Variants in SEMA5A observed in about 807,000 individuals in gnomAD.
SEMA5A encodes the protein semaphorin-5A.
Under a neutral mutation model 135.5 loss-of-function variants are expected in SEMA5A, and 55 were observed. That is an observed-to-expected ratio of 0.41 (90% CI 0.33 to 0.51). The LOEUF is 0.51. Ranked by LOEUF, SEMA5A falls within the 20% of genes least tolerant of loss-of-function variation. SEMA5A has a pLI of 0.37. For missense variants in SEMA5A, 1,290 were observed against 1,419.9 expected (o/e 0.91, Z 1.47); for synonymous variants, 580 against 546.5 (o/e 1.06, Z -0.85).
chr5:9,245,535 A>T (rs1334563356), intron 5 of SEMA5A, among the ~76,000 whole-genome samples: 1 of 152,202 alleles, frequency 6.6e-6, no homozygotes, highest in Non-Finnish European at 1.5e-5. Flanking sequence ...AAAAACACAA[A>T]TTTATAAAAA....
chr5:9,198,164 A>G (rs535392788), intron 9 of SEMA5A, among the ~76,000 whole-genome samples: 1 of 152,314 alleles, frequency 6.6e-6, no homozygotes, highest in African/African-American at 2.4e-5. Flanking sequence ...TACCACAAGC[A>G]TTTCTCATCA....
At position 9,445,413 on chromosome 5, in the gene SEMA5A, T is replaced by C. The variant is rs569050374; in HGVS notation, c.-174-7561A>G. 4.6e-5 allele frequency among the ~76,000 whole-genome samples: 7 copies of C among 151,500 alleles called. No homozygotes were observed. In the South Asian group the frequency reaches 1.5e-3, roughly 32 times the overall value. ...GGCCGGGCACGGTGGCTCACGCCTG[T>C]AATCCCAGGACTTTGGGAGGCCGAG... On this transcript the variant is annotated intron_variant, in intron 1 of 22. Coordinates refer to ENST00000382496, the MANE Select transcript of SEMA5A (RefSeq NM_003966.3).
intron 14 of SEMA5A, among the ~76,000 whole-genome samples, chr5:9,119,991 T>A (rs543484193): frequency 6.6e-6 from 1 of 152,272 alleles, no homozygotes; most frequent in Admixed American, 6.5e-5. Context: ...TAGTATTGTA[T>A]TTTTTCCTTA....
chr5:9,529,580 C>T (rs1257894544), intron 1 of SEMA5A, among the ~76,000 whole-genome samples: 1 of 152,156 alleles, frequency 6.6e-6, no homozygotes, highest in Non-Finnish European at 1.5e-5. Flanking sequence ...AGACATTGAC[C>T]TATAGGCCTC....
rs1388615330 is a variant in SEMA5A at position 9,041,109 on chromosome 5, T to C, written c.*1788A>G. ...TGAATGTCATTAATCCAAAATAACT[T>C]ACAGAGCCCACCTGCCATTTCAATA... On this transcript the variant is annotated 3_prime_UTR_variant, in exon 23 of 23. Coordinates refer to ENST00000382496, the MANE Select transcript of SEMA5A (RefSeq NM_003966.3). The C allele has an allele frequency of 6.6e-6, 1 of 152,198 alleles. No homozygotes were observed. The highest frequency in any genetic ancestry group is 6.5e-5 in the Admixed American group (1 of 15,286). The allele number at this position is 152,198 out of a possible 1,614,324, so 9.4% of individuals were successfully genotyped here. A position where few individuals can be genotyped will look rare whatever the true frequency, so the allele number is the denominator to read the frequency against.
intron 2 of SEMA5A, among the ~76,000 whole-genome samples, chr5:9,437,022 G>A (rs1485665308): frequency 1.3e-5 from 2 of 152,204 alleles, no homozygotes; most frequent in Non-Finnish European, 2.9e-5. Flanking sequence ...GCCTGACCAG[G>A]AGGATCCCTG....
intron 6 of SEMA5A, 29 bp from the exon 7 acceptor site, chr5:9,226,996 A>AATATATATAT (rs146979886): frequency 9.5e-7 from 1 of 1,047,372 alleles, no homozygotes; most frequent in Admixed American, 3.3e-5. Flanking sequence ...ATTAATTAAA[A>AATATATATAT]ATATATATAT....
chr5:9,306,203 C>T (rs962277573), intron 5 of SEMA5A, among the ~76,000 whole-genome samples: 1 of 152,192 alleles, frequency 6.6e-6, no homozygotes, highest in Admixed American at 6.6e-5. Context: ...GGAAAAGTTT[C>T]AGTGATAATT....
intron 1 of SEMA5A, among the ~76,000 whole-genome samples, chr5:9,447,479 G>T (rs1353516133): frequency 6.6e-6 from 1 of 152,148 alleles, no homozygotes; most frequent in Non-Finnish European, 1.5e-5. Context: ...GACCTGTCAG[G>T]TCTTTCATCG....
At chr5:9,329,928 T>A (rs1440045867) in intron 4 of SEMA5A, among the ~76,000 whole-genome samples, 1 of 152,214 alleles carries the variant, frequency 6.6e-6, no homozygotes, top group East Asian at 1.9e-4. Flanking sequence ...ACATTATAAA[T>A]GTAAATAGTC....
intron 22 of SEMA5A, among the ~76,000 whole-genome samples, chr5:9,043,934 G>A (rs1299334475): frequency 6.6e-6 from 1 of 152,194 alleles, no homozygotes; most frequent in Non-Finnish European, 1.5e-5. Flanking sequence ...GAAAGCTGTT[G>A]TTCATGGAAG....
chr5:9,439,886 T>C (rs1758170663), intron 1 of SEMA5A, among the ~76,000 whole-genome samples: 1 of 152,246 alleles, frequency 6.6e-6, no homozygotes, highest in Non-Finnish European at 1.5e-5. Context: ...GAGTTTGATG[T>C]CTAAACAGGA....
chr5:9,520,672 TATC>T (rs1736778139), intron 1 of SEMA5A, among the ~76,000 whole-genome samples: 1 of 152,230 alleles, frequency 6.6e-6, no homozygotes, highest in Admixed American at 6.5e-5. Context: ...TCATCCTTGA[TATC>T]ATGATGATGG....
At position 9,131,348 on chromosome 5, in the gene SEMA5A, C is replaced by T. The variant is rs1465816211; in HGVS notation, c.1599+5156G>A. Among the ~76,000 whole-genome samples the T allele has an allele frequency of 3.3e-5, 5 of 152,154 alleles. No individual in the cohort carries two copies. In the South Asian group the frequency reaches 8.3e-4, roughly 25 times the overall value. On this transcript the variant is annotated intron_variant, in intron 13 of 22. Coordinates refer to ENST00000382496, the MANE Select transcript of SEMA5A (RefSeq NM_003966.3). ...TCTCAGCTGGGCGCAGTGGCTCACG[C>T]CTGTAATCCCAGCACTTTGGGAGGC...
At chr5:9,444,875 CTG>C (rs1758372504) in intron 1 of SEMA5A, among the ~76,000 whole-genome samples, 2 of 152,278 alleles carry the variant, frequency 1.3e-5, no homozygotes, top group African/African-American at 4.8e-5. Context: ...AATACAGAAT[CTG>C]TGCAGGACCC....
At chr5:9,509,050 C>A (rs1219688704) in intron 1 of SEMA5A, among the ~76,000 whole-genome samples, 3 of 151,888 alleles carry the variant, frequency 2.0e-5, no homozygotes, top group African/African-American at 4.8e-5. Flanking sequence ...AAGCACTGAG[C>A]AATTCTGGCC....
intron 1 of SEMA5A, among the ~76,000 whole-genome samples, chr5:9,460,984 C>A (rs1248233942): frequency 6.6e-6 from 1 of 152,160 alleles, no homozygotes; most frequent in South Asian, 2.1e-4. Context: ...TTTCCCTAAA[C>A]CTTGCTTAGC....
chr5:9,414,390 T>G (rs918811977), intron 2 of SEMA5A, among the ~76,000 whole-genome samples: 30 of 152,196 alleles, frequency 2.0e-4, no homozygotes, highest in African/African-American at 7.0e-4. Context: ...TCTCACTAAA[T>G]GAGCATAAAA....
chr5:9,186,841 A>AT (rs1358814345), intron 11 of SEMA5A, among the ~76,000 whole-genome samples: 1 of 152,174 alleles, frequency 6.6e-6, no homozygotes, highest in Non-Finnish European at 1.5e-5. Context: ...ATTATTCTAG[A>AT]TTTTTTTCAA....
Sources: allele counts gnomAD v4.1 joint callset (sites outside exome capture counted in the v4.1 genomes callset), GRCh38; gene constraint gnomAD v4.1.1; transcripts MANE v1.5; gene names NCBI Gene and HGNC (gene_info 2026-07-23, HGNC 2026-07-21).